PIK3C2G: variants seen among roughly 807,000 people sequenced by gnomAD.
PIK3C2G encodes phosphatidylinositol-4-phosphate 3-kinase catalytic subunit type 2 gamma, also known as phosphatidylinositol 3-kinase C2 domain-containing subunit gamma.
Under a neutral mutation model 181.1 loss-of-function variants are expected in PIK3C2G, and 168 were observed. The observed-to-expected ratio is 0.93, with a 90% CI of 0.82 to 1.05. The LOEUF (loss-of-function observed/expected upper bound fraction) is 1.05, where lower values mean the gene tolerates loss of function less well. Among genes scored for constraint, PIK3C2G ranks in the 50% least tolerant of loss-of-function variants. The probability of loss-of-function intolerance (pLI) is 0.00; values close to 1 mark genes in which losing one functional copy is unlikely to be tolerated. For missense variants in PIK3C2G, 1,869 were observed against 1,732.8 expected, an observed-to-expected ratio of 1.08 and a Z score of -1.40; for synonymous variants, 573 against 592.2, an observed-to-expected ratio of 0.97 and a Z score of 0.47.
At chr12:18,631,591 A>G (rs1949353678) in intron 31 of PIK3C2G, among the ~76,000 whole-genome samples, 1 of 152,340 alleles carries the variant, frequency 6.6e-6, no homozygotes, top group South Asian at 2.1e-4. Flanking sequence ...TATAGAATGA[A>G]TGAAGGAAAA....
intron 18 of PIK3C2G, among the ~76,000 whole-genome samples, chr12:18,443,898 G>A (rs1462417287): frequency 5.9e-5 from 9 of 151,984 alleles, no homozygotes; most frequent in Admixed American, 2.6e-4. Flanking sequence ...TCTCCTTGAC[G>A]CCCAAGAATT....
intron 18 of PIK3C2G, among the ~76,000 whole-genome samples, chr12:18,481,888 C>T (rs1338869612): frequency 6.6e-6 from 1 of 152,154 alleles, no homozygotes; most frequent in Non-Finnish European, 1.5e-5. Flanking sequence ...CAGGACACTT[C>T]CTGAAGCTGC....
chr12:18,503,492 T>A, intron 23 of PIK3C2G, 75 bp downstream of exon 23: 2 of 1,109,422 alleles, frequency 1.8e-6, no homozygotes, highest in South Asian at 2.1e-5. Flanking sequence ...ATATTCTGAT[T>A]TGTAGAAAAG....
In PIK3C2G at chr12:18,286,938, T is replaced by A; in HGVS notation, c.761+9T>A. ...TGCAACAAAGTAAAAAAGTGAGTACTGGTATTTCATTAAACTTTGAAATTT... is the reference window on the plus strand; with the variant it reads ...TGCAACAAAGTAAAAAAGTGAGTACAGGTATTTCATTAAACTTTGAAATTT... On this transcript the variant is annotated intron_variant, in intron 3 of 32. Coordinates refer to ENST00000538779, the MANE Select transcript of PIK3C2G (RefSeq NM_001288772.2). The A allele has an allele frequency of 6.8e-7, 1 of 1,460,438 alleles. No homozygotes were observed. Among genetic ancestry groups the A allele is most frequent in the Admixed American group, 2.2e-5 (1 of 45,920 alleles). The allele number at this position is 1,460,438 out of a possible 1,614,324, so 90.5% of individuals were successfully genotyped here.
At chr12:18,701,266 T>G in the PIK3C2G span, among the ~76,000 whole-genome samples, 1 of 152,146 alleles carries the variant, frequency 6.6e-6, no homozygotes, top group East Asian at 1.9e-4. Context: ...ATTACAGGCA[T>G]GAGCCACCGT....
chr12:18,473,611 G>GA (rs1335785352), intron 18 of PIK3C2G, among the ~76,000 whole-genome samples: 1 of 152,144 alleles, frequency 6.6e-6, no homozygotes, highest in African/African-American at 2.4e-5. Context: ...GAGAAACTAA[G>GA]AAAAATGCTC....
At chr12:18,462,983 T>C (rs1364329512) in intron 18 of PIK3C2G, among the ~76,000 whole-genome samples, 4 of 152,162 alleles carry the variant, frequency 2.6e-5, no homozygotes, top group Non-Finnish European at 5.9e-5. Flanking sequence ...ATAGCATCAT[T>C]CTTTGAAAAG....
At chr12:18,333,974 C>T (rs947421596) in intron 8 of PIK3C2G, among the ~76,000 whole-genome samples, 5 of 152,092 alleles carry the variant, frequency 3.3e-5, no homozygotes, top group East Asian at 1.9e-4. Flanking sequence ...TGTTACCCAC[C>T]TTTTCAAATG....
rs535288234 is a variant in PIK3C2G at position 18,568,616 on chromosome 12, G to A, written c.4011+1559G>A. ...TCAGGTATTCAATTGATTGGATGAG[G>A]CCTACCCATATTATGAAGAGTAATA... On this transcript the variant is annotated intron_variant, in intron 29 of 32. Transcript: ENST00000538779. 6.4e-4 allele frequency among the ~76,000 whole-genome samples: 98 copies of A among 152,050 alleles called. 1 individual carries two copies. The highest frequency in any genetic ancestry group is 1.1e-3 in the Non-Finnish European group (72 of 68,000).
chr12:18,369,968 G>T (rs1271910868), intron 12 of PIK3C2G, among the ~76,000 whole-genome samples: 2 of 65,874 alleles, frequency 3.0e-5, no homozygotes. Context: ...TCGTATAATT[G>T]ACATATGATC....
intron 12 of PIK3C2G, among the ~76,000 whole-genome samples, chr12:18,364,161 A>C (rs1941471668): frequency 6.6e-6 from 1 of 152,106 alleles, no homozygotes; most frequent in African/African-American, 2.4e-5. Context: ...TCCACCAGTC[A>C]TTTGCATCTT....
intron 1 of PIK3C2G, among the ~76,000 whole-genome samples, chr12:18,248,401 T>G (rs1441060305): frequency 2.6e-5 from 4 of 151,664 alleles, no homozygotes; most frequent in Non-Finnish European, 4.4e-5. Context: ...TGAAACCCCG[T>G]CTCTACTAAA....
intron 13 of PIK3C2G, among the ~76,000 whole-genome samples, chr12:18,377,461 G>A (rs191546134): frequency 6.6e-6 from 1 of 152,304 alleles, no homozygotes; most frequent in East Asian, 1.9e-4. Flanking sequence ...TTACATGGAT[G>A]TGTTGCGTTA....
chr12:18,556,854 C>A (rs1945040346), intron 26 of PIK3C2G, among the ~76,000 whole-genome samples: 1 of 152,026 alleles, frequency 6.6e-6, no homozygotes, highest in African/African-American at 2.4e-5. Flanking sequence ...ACTTTCTTAG[C>A]AAGTTTTGGC....
At chr12:18,287,495 A>T (rs73062581) in intron 3 of PIK3C2G, among the ~76,000 whole-genome samples, 9,105 of 152,292 alleles carry the variant, frequency 0.06, 400 homozygotes, top group Non-Finnish European at 0.093. Flanking sequence ...GGCAAATTTC[A>T]TATTAGCAAT....
intron 18 of PIK3C2G, among the ~76,000 whole-genome samples, chr12:18,451,744 A>T (rs1947372757): frequency 6.6e-6 from 1 of 152,044 alleles, no homozygotes; most frequent in Non-Finnish European, 1.5e-5. Context: ...TTTATGTTTC[A>T]TCAATACCTA....
intron 32 of PIK3C2G, among the ~76,000 whole-genome samples, chr12:18,644,685 A>G (rs1053979793): frequency 2.0e-5 from 3 of 152,144 alleles, no homozygotes; most frequent in Admixed American, 6.5e-5. Flanking sequence ...AGTGAAGACA[A>G]TGTGACCCAG....
Position 18,609,599 on chromosome 12 carries a change from G to C in PIK3C2G, c.4152G>C (p.Leu1384=). Residue 1384 remains leucine, a synonymous_variant, in exon 31 of 33, where the codon CTG becomes CTC. Transcript: ENST00000538779. ...QLVISYEDVK[L]TILVKHMKNI... ...TCATATCCTACGAGGATGTGAAGCTGACCATACTAGTGAAACACATGAAAA... is the reference window on the plus strand; with the variant it reads ...TCATATCCTACGAGGATGTGAAGCTCACCATACTAGTGAAACACATGAAAA... The C allele has an allele frequency of 1.3e-6, 2 of 1,582,094 alleles. No individual in the cohort carries two copies. Among genetic ancestry groups the C allele is most frequent in the East Asian group, 4.6e-5 (2 of 43,914 alleles).
intron 30 of PIK3C2G, among the ~76,000 whole-genome samples, chr12:18,604,403 TA>T (rs1947899499): frequency 6.6e-6 from 1 of 152,004 alleles, no homozygotes; most frequent in Non-Finnish European, 1.5e-5. Flanking sequence ...AAACAATTAC[TA>T]AAAGACCTAA....
Sources: gnomAD v4.1 joint callset for allele counts (sites outside exome capture counted in the v4.1 genomes callset) on GRCh38, gnomAD v4.1.1 for gene constraint, MANE v1.5 for transcripts, NCBI Gene and HGNC (gene_info 2026-07-23, HGNC 2026-07-21) for gene names.